The following INPP5D variants were observed in gnomAD, a reference collection of about 807,000 sequenced individuals.
The protein encoded by INPP5D is inositol polyphosphate-5-phosphatase D.
A neutral mutation model predicts 122.9 loss-of-function variants in INPP5D; 33 were observed. The observed-to-expected ratio is 0.27, with a 90% CI of 0.20 to 0.36. INPP5D has a LOEUF of 0.36. Among genes scored for constraint, INPP5D ranks in the 10% least tolerant of loss-of-function variants. The pLI is 1.00. For missense variants in INPP5D, 1,053 were observed against 1,412.7 expected (o/e 0.75, Z 4.08); for synonymous variants, 584 against 576.2 (o/e 1.01, Z -0.19).
rs1693795736 is a variant in INPP5D at position 233,147,454 on chromosome 2, ATCTCT to A, written c.907-8_907-4del. ...CAGGCAGAAAATCAATCAGTGACACATCTCTTCTCTTCTAAGGTGAAGGCAGAGTC... is the reference window on the plus strand; with the variant it reads ...CAGGCAGAAAATCAATCAGTGACACATCTCTTCTAAGGTGAAGGCAGAGTC... On this transcript the variant is annotated splice_polypyrimidine_tract_variant and intron_variant, in intron 8 of 26. Coordinates refer to ENST00000445964, the MANE Select transcript of INPP5D (RefSeq NM_001017915.3). The A allele has an allele frequency of 2.8e-6, 2 of 704,052 alleles. No individual in the cohort carries two copies. The highest frequency in any genetic ancestry group is 2.7e-5 in the East Asian group (1 of 37,416). The allele number at this position is 704,052 out of a possible 1,614,324, so 43.6% of individuals were successfully genotyped here.
At chr2:233,129,664 A>G (rs947910378) in intron 4 of INPP5D, among the ~76,000 whole-genome samples, 7 of 152,248 alleles carry the variant, frequency 4.6e-5, no homozygotes, top group Non-Finnish European at 8.8e-5. Context: ...CCCCATCGCT[A>G]ATCACTCAGA....
chr2:233,107,393 T>C (rs990891801), intron 2 of INPP5D, among the ~76,000 whole-genome samples: 3 of 152,124 alleles, frequency 2.0e-5, no homozygotes, highest in Non-Finnish European at 4.4e-5. Flanking sequence ...AGGTTTCTCC[T>C]AGATCTCCCC....
intron 9 of INPP5D, among the ~76,000 whole-genome samples, chr2:233,150,707 G>A (rs533063842): frequency 3.9e-5 from 6 of 152,286 alleles, no homozygotes; most frequent in Middle Eastern, 3.4e-3. Flanking sequence ...CATCGTGAAC[G>A]CTTCCTCTAA....
chr2:233,138,175 C>G (rs1286027432), intron 5 of INPP5D, among the ~76,000 whole-genome samples: 2 of 150,512 alleles, frequency 1.3e-5, no homozygotes, highest in East Asian at 3.9e-4. Flanking sequence ...CATGGCGAAG[C>G]CCCGTCTCTA....
rs183869627 is a variant in INPP5D at position 233,136,410 on chromosome 2, C to T, written c.666-3432C>T. On this transcript the variant is annotated intron_variant, in intron 5 of 26. Coordinates refer to ENST00000445964, the MANE Select transcript of INPP5D (RefSeq NM_001017915.3). Reference sequence around the variant, plus strand: ...AGGAGAATCGCTTGAACCCAGGAGACGGAGGTTGCAGTGAGCCGAGATGGT... The same window carrying T: ...AGGAGAATCGCTTGAACCCAGGAGATGGAGGTTGCAGTGAGCCGAGATGGT... Among the ~76,000 whole-genome samples the T allele has an allele frequency of 1.7e-3, 255 of 150,932 alleles. 3 individuals are homozygous for T. Among genetic ancestry groups the T allele is most frequent in the African/African-American group, 6.0e-3 (244 of 40,902 alleles).
At chr2:233,064,050 C>A (rs913978141) in intron 1 of INPP5D, among the ~76,000 whole-genome samples, 4 of 152,280 alleles carry the variant, frequency 2.6e-5, no homozygotes, top group African/African-American at 9.6e-5. Context: ...CATGGGTTGG[C>A]CGAGCCGGCA....
At chr2:233,061,485 G>A (rs946617517) in intron 1 of INPP5D, among the ~76,000 whole-genome samples, 7 of 152,018 alleles carry the variant, frequency 4.6e-5, no homozygotes, top group Admixed American at 3.9e-4. Context: ...GTGTAGTCAG[G>A]GAAATGTGTG....
intron 5 of INPP5D, among the ~76,000 whole-genome samples, chr2:233,138,081 G>A: frequency 7.1e-6 from 1 of 139,918 alleles, no homozygotes; most frequent in South Asian, 2.3e-4. Context: ...GCCGGGCCTG[G>A]TGGCTCACGC....
chr2:233,089,026 C>T (rs890060209), intron 2 of INPP5D, among the ~76,000 whole-genome samples: 3 of 152,158 alleles, frequency 2.0e-5, no homozygotes, highest in Admixed American at 6.5e-5. Flanking sequence ...CCGTATGTCC[C>T]GACTATATTC....
intron 9 of INPP5D, 126 bp downstream of exon 9, chr2:233,147,720 A>G (rs1374177785): frequency 1.6e-6 from 1 of 624,522 alleles, no homozygotes; most frequent in South Asian, 1.8e-5. Flanking sequence ...GCCTGCGCTC[A>G]TGCTTTTGTG....
At position 233,163,830 on chromosome 2, in the gene INPP5D, C is replaced by A; in HGVS notation, c.1364C>A (p.Pro455His). Residue 455 changes from proline to histidine, a missense_variant, in exon 12 of 27, where the codon CCC becomes CAC. Around this residue, in one of 6 missense-constraint regions of INPP5D, gnomAD observed 105 missense variants for 199.8 expected, o/e 0.53. Coordinates refer to ENST00000445964, the MANE Select transcript of INPP5D (RefSeq NM_001017915.3). ...TACGTGATCGGCACCCAAGAGGACCCCCTGAGTGAGAAGGAGTGGCTGGAG... is the reference window on the plus strand; with the variant it reads ...TACGTGATCGGCACCCAAGAGGACCACCTGAGTGAGAAGGAGTGGCTGGAG... ...DIYVIGTQED[P>H]LSEKEWLEIL... 2 of 1,613,950 alleles carry A rather than the reference C, an allele frequency of 1.2e-6. No individual in the cohort carries two copies. The highest frequency in any genetic ancestry group is 1.7e-6 in the Non-Finnish European group (2 of 1,179,890).
In INPP5D at chr2:233,170,932, C is replaced by T. The variant is rs554123032; in HGVS notation, c.1901-132C>T. The stretch of plus-strand genomic sequence containing the variant: ...AAAAAAAAAAAAAAAAAAGCAGCAG[C>T]CTCTCCTCTTGGAGCCTTTCCAGCC... On this transcript the variant is annotated intron_variant, in intron 16 of 26. Coordinates refer to ENST00000445964, the MANE Select transcript of INPP5D (RefSeq NM_001017915.3). This position sits in a 1 kb window ranked among gnomAD's most constrained non-coding sequence, Gnocchi z 4.5. 1 of 1,220,018 alleles carries T rather than the reference C, an allele frequency of 8.2e-7. No homozygotes were observed. Among genetic ancestry groups the T allele is most frequent in the African/African-American group, 1.6e-5 (1 of 64,166 alleles). The allele number at this position is 1,220,018 out of a possible 1,614,324, so 75.6% of individuals were successfully genotyped here. A position where few individuals can be genotyped will look rare whatever the true frequency, so the allele number is the denominator to read the frequency against.
chr2:233,165,136 A>C (rs1243879322), intron 13 of INPP5D, among the ~76,000 whole-genome samples: 1 of 152,030 alleles, frequency 6.6e-6, no homozygotes, highest in African/African-American at 2.4e-5. Context: ...TGTGAGTGAC[A>C]GCGTGCATGT....
intron 2 of INPP5D, among the ~76,000 whole-genome samples, chr2:233,085,578 T>A (rs1322539394): frequency 1.2e-4 from 19 of 152,180 alleles, no homozygotes. Context: ...TTGTTCACTT[T>A]GCAAACTCTG....
chr2:233,185,734 AAAAG>A, intron 20 of INPP5D, 105 bp from the exon 21 acceptor site: 1 of 1,197,792 alleles, frequency 8.3e-7, no homozygotes, highest in Non-Finnish European at 1.1e-6. Context: ...AAAAAAAAAA[AAAAG>A]GAGAGAGCAC....
intron 10 of INPP5D, 140 bp from the exon 11 acceptor site, chr2:233,161,584 A>G: frequency 8.2e-7 from 1 of 1,219,072 alleles, no homozygotes; most frequent in Non-Finnish European, 1.1e-6. Flanking sequence ...CTTTGGACAC[A>G]TGTTTCCAGG....
At position 233,195,422 on chromosome 2, in the gene INPP5D, G is replaced by T; in HGVS notation, c.2620G>T (p.Glu874Ter). ...AGACTTTGTGAAGACGGAGCGTGAT[G>T]AATCCAGTGGGCCAAAGACCCTGAA... ...LYDFVKTERD[E>*]SSGPKTLKSL... The change falls in exon 24 of 27, where the codon GAA becomes TAA. Residue 874 changes from glutamate to a stop codon, truncating the protein, a stop_gained. Transcript: ENST00000445964. LOFTEE classifies it high-confidence loss of function. The T allele has an allele frequency of 6.2e-7, 1 of 1,610,000 alleles. No homozygotes were observed. The highest frequency in any genetic ancestry group is 2.2e-5 in the East Asian group (1 of 44,672).
intron 9 of INPP5D, among the ~76,000 whole-genome samples, chr2:233,155,293 T>C (rs1467577463): frequency 6.6e-6 from 1 of 152,014 alleles, no homozygotes; most frequent in East Asian, 1.9e-4. Context: ...GACAAAGTGA[T>C]GGAAAATAGG....
intron 2 of INPP5D, among the ~76,000 whole-genome samples, chr2:233,091,174 C>T (rs900513410): frequency 2.0e-5 from 3 of 152,178 alleles, no homozygotes; most frequent in Admixed American, 6.5e-5. Flanking sequence ...ATGTGGCTGA[C>T]TGGCCAACAG....
Sources: gnomAD v4.1 joint callset for allele counts (sites outside exome capture counted in the v4.1 genomes callset) on GRCh38, gnomAD v4.1.1 for gene constraint, gnomAD v4.1.1 regional missense constraint, Gnocchi (gnomAD v3.1) non-coding constraint, MANE v1.5 for transcripts, NCBI Gene and HGNC (gene_info 2026-07-23, HGNC 2026-07-21) for gene names.